SUPT3H: variants seen among roughly 807,000 people sequenced by gnomAD.
The protein encoded by SUPT3H is SPT3 homolog, SAGA and STAGA complex component.
SUPT3H carries 44 observed loss-of-function variants against 44.3 expected under a neutral mutation model. That is an observed-to-expected ratio of 0.99 (90% CI 0.78 to 1.28). The LOEUF is 1.28. Among genes scored for constraint, SUPT3H ranks in the 50% most tolerant of loss-of-function variants. SUPT3H has a pLI of 0.00. For synonymous variants in SUPT3H, 124 were observed against 125.6 expected (o/e 0.99, Z 0.09); for missense variants, 380 against 387.1 (o/e 0.98, Z 0.15).
intron 2 of SUPT3H, among the ~76,000 whole-genome samples, chr6:45,296,910 G>T (rs1013027278): frequency 3.5e-5 from 5 of 144,134 alleles, no homozygotes; most frequent in African/African-American, 1.3e-4. Context: ...CAGCCTGGCT[G>T]ACAGAGTGAG....
At chr6:45,321,433 A>G (rs1036479496) in intron 2 of SUPT3H, among the ~76,000 whole-genome samples, 5 of 152,176 alleles carry the variant, frequency 3.3e-5, no homozygotes, top group African/African-American at 7.2e-5. Context: ...CATTTATTTT[A>G]CAAATGTATT....
At chr6:45,230,675 T>C (rs1292775927) in intron 2 of SUPT3H, among the ~76,000 whole-genome samples, 1 of 108,414 alleles carries the variant, frequency 9.2e-6, no homozygotes, top group Non-Finnish European at 1.9e-5. Flanking sequence ...TATATATATA[T>C]ATATATATAT....
chr6:45,155,221 T>C (rs1384918626), intron 2 of SUPT3H, among the ~76,000 whole-genome samples: 2 of 152,130 alleles, frequency 1.3e-5, no homozygotes, highest in Non-Finnish European at 2.9e-5. Flanking sequence ...TGTTTTACAA[T>C]GAATTGTAAC....
intron 2 of SUPT3H, among the ~76,000 whole-genome samples, chr6:45,329,546 T>C (rs1454483688): frequency 6.6e-6 from 1 of 151,962 alleles, no homozygotes; most frequent in East Asian, 1.9e-4. Context: ...ATAGACCTTG[T>C]TATAAACACA....
In SUPT3H at chr6:45,298,705, C is replaced by G. The variant is rs146026745; in HGVS notation, c.101+66496G>C. On this transcript the variant is annotated intron_variant, in intron 2 of 10. Transcript: ENST00000371459. Reference sequence around the variant, plus strand: ...GAGACAGAAAAATGACTAAAATTGGCCAATGTAATTGTTACTTTTCTATTT... The same window carrying G: ...GAGACAGAAAAATGACTAAAATTGGGCAATGTAATTGTTACTTTTCTATTT... 4.8e-3 allele frequency among the ~76,000 whole-genome samples: 728 copies of G among 152,028 alleles called. 7 individuals are homozygous for G. The highest frequency in any genetic ancestry group is 0.017 in the African/African-American group (697 of 41,474).
At chr6:45,264,729 ATATGAGCCTAACTCT>A (rs1168214879) in intron 2 of SUPT3H, among the ~76,000 whole-genome samples, 1 of 152,108 alleles carries the variant, frequency 6.6e-6, no homozygotes, top group Admixed American at 6.6e-5. Flanking sequence ...AACAAGTCTA[ATATGAGCCTAACTCT>A]TATAATATTT....
At chr6:44,859,680 G>C (rs1026176825) in intron 10 of SUPT3H, among the ~76,000 whole-genome samples, 1 of 152,106 alleles carries the variant, frequency 6.6e-6, no homozygotes, top group African/African-American at 2.4e-5. Flanking sequence ...ATTTAAAAAA[G>C]TAAAAATGAA....
At chr6:45,051,845 T>C (rs891719868) in intron 3 of SUPT3H, among the ~76,000 whole-genome samples, 2 of 152,168 alleles carry the variant, frequency 1.3e-5, no homozygotes, top group African/African-American at 2.4e-5. Context: ...GAGAGTAGAA[T>C]ACTCTAAATT....
At chr6:44,976,481 C>T (rs1048131497) in intron 6 of SUPT3H, among the ~76,000 whole-genome samples, 4 of 152,040 alleles carry the variant, frequency 2.6e-5, no homozygotes, top group African/African-American at 4.8e-5. Flanking sequence ...CCTGCCTCAG[C>T]GTCCCGAATA....
At chr6:45,042,476 A>G (rs1311076839) in intron 3 of SUPT3H, among the ~76,000 whole-genome samples, 2 of 152,206 alleles carry the variant, frequency 1.3e-5, no homozygotes. Context: ...ATGCATACCT[A>G]GAACATGATA....
At chr6:44,990,822 T>C (rs1780507672) in intron 6 of SUPT3H, among the ~76,000 whole-genome samples, 1 of 152,114 alleles carries the variant, frequency 6.6e-6, no homozygotes, top group Non-Finnish European at 1.5e-5. Flanking sequence ...TTTGGCAAAG[T>C]CTTATTTTAA....
At chr6:44,915,343 A>C (rs1767651097) in intron 10 of SUPT3H, among the ~76,000 whole-genome samples, 1 of 152,222 alleles carries the variant, frequency 6.6e-6, no homozygotes, top group Non-Finnish European at 1.5e-5. Flanking sequence ...AAATTTCTGG[A>C]AACTGTATAC....
chr6:44,851,794 G>A (rs1376593405), intron 10 of SUPT3H, among the ~76,000 whole-genome samples: 3 of 152,066 alleles, frequency 2.0e-5, no homozygotes, highest in Non-Finnish European at 4.4e-5. Flanking sequence ...ATGAAATCTG[G>A]TGTCTGGAGT....
At chr6:45,251,404 C>G (rs952032528) in intron 2 of SUPT3H, among the ~76,000 whole-genome samples, 4 of 144,338 alleles carry the variant, frequency 2.8e-5, no homozygotes, top group Non-Finnish European at 4.7e-5. Flanking sequence ...TGCACACACA[C>G]ACACACACAC....
chr6:45,250,408 A>C (rs2153652394), intron 2 of SUPT3H, among the ~76,000 whole-genome samples: 1 of 152,064 alleles, frequency 6.6e-6, no homozygotes, highest in Admixed American at 6.5e-5. Context: ...ACAATAAAAA[A>C]AGCTCTTACA....
chr6:45,209,697 T>C (rs1763775586), intron 2 of SUPT3H, among the ~76,000 whole-genome samples: 1 of 152,228 alleles, frequency 6.6e-6, no homozygotes, highest in South Asian at 2.1e-4. Flanking sequence ...GAATATTCCA[T>C]AAACATAGTT....
intron 2 of SUPT3H, among the ~76,000 whole-genome samples, chr6:45,222,714 A>G (rs1766265816): frequency 6.6e-6 from 1 of 152,108 alleles, no homozygotes; most frequent in South Asian, 2.1e-4. Context: ...AGAGAAATGA[A>G]AACATGTGTT....
intron 2 of SUPT3H, among the ~76,000 whole-genome samples, chr6:45,182,623 A>G (rs888808016): frequency 1.3e-5 from 2 of 152,166 alleles, no homozygotes; most frequent in South Asian, 2.1e-4. Flanking sequence ...AAAGGTTTCA[A>G]TTTTTAAGTT....
intron 10 of SUPT3H, among the ~76,000 whole-genome samples, chr6:44,869,731 A>G (rs979652645): frequency 1.3e-5 from 2 of 152,190 alleles, no homozygotes; most frequent in Non-Finnish European, 2.9e-5. Context: ...GATATAGCAT[A>G]ATTATCTCAT....
Sources: gnomAD v4.1 joint callset for allele counts (sites outside exome capture counted in the v4.1 genomes callset) on GRCh38, gnomAD v4.1.1 for gene constraint, MANE v1.5 for transcripts, NCBI Gene and HGNC (gene_info 2026-07-23, HGNC 2026-07-21) for gene names.